The following ATP7A variants were observed in gnomAD, a reference collection of about 807,000 sequenced individuals.
The protein encoded by ATP7A is ATPase copper transporting alpha.
ATP7A carries 7 observed loss-of-function variants against 83.5 expected under a neutral mutation model. That is an observed-to-expected ratio of 0.08 (90% CI 0.05 to 0.16). The LOEUF (loss-of-function observed/expected upper bound fraction) is 0.16. ATP7A is among the 10% of genes least tolerant of loss of function. The pLI, the probability that ATP7A is intolerant of heterozygous loss-of-function variation, is 1.00. For synonymous variants in ATP7A, 354 were observed against 395.2 expected (o/e 0.90, Z 1.24); for missense variants, 940 against 1,120.8 (o/e 0.84, Z 2.30).
intron 12 of ATP7A, among the ~76,000 whole-genome samples, chrX:78,019,658 C>T (rs1557235525): frequency 9.1e-6 from 1 of 110,310 alleles, no homozygotes; most frequent in Non-Finnish European, 1.9e-5. Context: ...TTGTAGAGAT[C>T]GAGTTTTGCC....
chrX:77,990,013 G>A, intron 4 of ATP7A, 55 bp downstream of exon 4: 1 of 1,189,049 alleles, frequency 8.4e-7, no homozygotes, highest in Non-Finnish European at 1.1e-6. Flanking sequence ...CCATTTTGCT[G>A]CTTCTTTTGG....
chrX:78,010,224 G>A (rs1433346941), intron 7 of ATP7A, among the ~76,000 whole-genome samples: 1 of 111,960 alleles, frequency 8.9e-6, no homozygotes, highest in Non-Finnish European at 1.9e-5. Context: ...TCATTTTGGA[G>A]GTGAGGAAAC....
intron 1 of ATP7A, among the ~76,000 whole-genome samples, chrX:77,929,203 A>G (rs1455700896): frequency 8.9e-6 from 1 of 112,153 alleles, no homozygotes; most frequent in Non-Finnish European, 1.9e-5. Flanking sequence ...ACATTCTGCC[A>G]TCAAAATGCC....
At chrX:77,932,574 A>C (rs1400797059) in intron 1 of ATP7A, among the ~76,000 whole-genome samples, 7 of 112,089 alleles carry the variant, frequency 6.2e-5, no homozygotes, top group African/African-American at 2.3e-4. Flanking sequence ...TGGAGGTTGT[A>C]GCGAGCCGCG....
At position 78,043,307 on chromosome X, in the gene ATP7A, C is replaced by T. The variant is rs782741784; in HGVS notation, c.4006-10C>T. ...TCTCTTACTAATATCACAAATATTTCTGTTCTTAGAATGATCTTCTGGATG... is the reference window on the plus strand; with the variant it reads ...TCTCTTACTAATATCACAAATATTTTTGTTCTTAGAATGATCTTCTGGATG... On this transcript the variant is annotated splice_polypyrimidine_tract_variant and intron_variant, in intron 20 of 22. Coordinates refer to ENST00000341514, the MANE Select transcript of ATP7A (RefSeq NM_000052.7). 1.2e-5 allele frequency: 14 copies of T among 1,141,820 alleles called. No homozygotes were observed. In the South Asian group the frequency reaches 2.5e-4, roughly 21 times the overall value. 94.1% of individuals were successfully genotyped at this position (1,141,820 alleles called of 1,213,427 possible).
chrX:77,971,433 G>C (rs1012246572), intron 1 of ATP7A, among the ~76,000 whole-genome samples, 188 bp from the exon 2 acceptor site: 6 of 111,768 alleles, frequency 5.4e-5, no homozygotes, highest in Admixed American at 9.5e-5. Context: ...TTCATCTAAG[G>C]TGATAAGAAT....
At position 78,011,590 on chromosome X, in the gene ATP7A, T is replaced by C; in HGVS notation, c.2088T>C (p.His696=). ...GTAAAGAAGAAATGATCAACCTTCA[T>C]TCTTCTATGTTCCTGGAGCGCCAGA... ...NMSKEEMINL[H]SSMFLERQIL... The change falls in exon 9 of 23, where the codon CAT becomes CAC. Residue 696 remains histidine, a synonymous_variant. Transcript: ENST00000341514. 8.3e-7 allele frequency: 1 copy of C among 1,211,323 alleles called. No homozygotes were observed. Among genetic ancestry groups the C allele is most frequent in the Non-Finnish European group, 1.1e-6 (1 of 895,398 alleles).
intron 4 of ATP7A, among the ~76,000 whole-genome samples, chrX:77,993,037 C>T (rs1224132294): frequency 1.8e-5 from 2 of 112,462 alleles, no homozygotes; most frequent in Non-Finnish European, 3.8e-5. Context: ...CTTTGATATG[C>T]ATAATGGATT....
rs1557229693 is a variant in ATP7A at position 77,971,781 on chromosome X, C to T, written c.120+20C>T. 1.7e-6 allele frequency: 2 copies of T among 1,206,591 alleles called. No homozygotes were observed. Among genetic ancestry groups the T allele is most frequent in the East Asian group, 3.0e-5 (1 of 33,720 alleles). On this transcript the variant is annotated intron_variant, in intron 2 of 22. Transcript: ENST00000341514. The stretch of plus-strand genomic sequence containing the variant: ...ATTAAGGTAAGTTACTCTTTGGAAA[C>T]TGAAGTCAAATGCCATTGAAGAGAA...
At chrX:78,023,303 T>C (rs1340369640) in intron 14 of ATP7A, among the ~76,000 whole-genome samples, 3 of 112,344 alleles carry the variant, frequency 2.7e-5, no homozygotes, top group Non-Finnish European at 5.6e-5. Context: ...AGAAAATCCT[T>C]TGGGTAGATA....
intron 18 of ATP7A, among the ~76,000 whole-genome samples, 155 bp from the exon 19 acceptor site, chrX:78,040,436 T>C (rs782026580): frequency 8.0e-5 from 9 of 112,245 alleles, no homozygotes; most frequent in African/African-American, 9.7e-5. Flanking sequence ...GTTTGTAGTA[T>C]AAAGTCTGTG....
chrX:77,987,758 AT>A (rs1169740185), intron 2 of ATP7A, among the ~76,000 whole-genome samples: 5 of 111,188 alleles, frequency 4.5e-5, no homozygotes, highest in Non-Finnish European at 9.4e-5. Context: ...AGTTATCCTA[AT>A]TGAACATTAT....
At chrX:77,949,089 C>T (rs996886831) in intron 1 of ATP7A, among the ~76,000 whole-genome samples, 2 of 110,859 alleles carry the variant, frequency 1.8e-5, no homozygotes, top group African/African-American at 6.6e-5. Context: ...ACAGGGTTCA[C>T]CGTGTTGCCC....
At chrX:77,928,563 A>C (rs1364948860) in intron 1 of ATP7A, among the ~76,000 whole-genome samples, 1 of 110,950 alleles carries the variant, frequency 9.0e-6, no homozygotes, top group African/African-American at 3.3e-5. Context: ...TAAGAGATAT[A>C]TGTTCCTTGG....
chrX:78,010,622 T>C (rs993169342), intron 7 of ATP7A, among the ~76,000 whole-genome samples: 7 of 82,621 alleles, frequency 8.5e-5, no homozygotes, highest in Admixed American at 3.4e-4. Flanking sequence ...CTCTGTCGCC[T>C]GGGCTGGAGT....
At chrX:77,954,110 A>T (rs2077427803) in intron 1 of ATP7A, among the ~76,000 whole-genome samples, 1 of 111,715 alleles carries the variant, frequency 9.0e-6, no homozygotes, top group South Asian at 3.7e-4. Flanking sequence ...CTAATCTTTT[A>T]GGAATGGTCA....
chrX:77,964,123 A>G (rs1287397741), intron 1 of ATP7A: 1 of 112,206 alleles, frequency 8.9e-6, no homozygotes, highest in Non-Finnish European at 1.9e-5. Context: ...TTTGCTTCCA[A>G]TACATCAAAT....
At chrX:77,949,824 A>T (rs1557226621) in intron 1 of ATP7A, among the ~76,000 whole-genome samples, 1 of 112,316 alleles carries the variant, frequency 8.9e-6, no homozygotes, top group East Asian at 2.8e-4. Context: ...TAAGGGACAC[A>T]TGGTATTTAT....
At chrX:77,962,819 G>A (rs1455792851) in intron 1 of ATP7A, 11 of 385,294 alleles carry the variant, frequency 2.9e-5, no homozygotes, top group Non-Finnish European at 5.7e-5. Flanking sequence ...TCAAATGTAC[G>A]GAAAATGCAC....
Sources: allele counts gnomAD v4.1 joint callset (sites outside exome capture counted in the v4.1 genomes callset), GRCh38; gene constraint gnomAD v4.1.1; transcripts MANE v1.5; gene names NCBI Gene and HGNC (gene_info 2026-07-23, HGNC 2026-07-21).